TMEM232: variants seen among roughly 807,000 people sequenced by gnomAD.
TMEM232 encodes the protein transmembrane protein 232.
A neutral mutation model predicts 78.8 loss-of-function variants in TMEM232; 80 were observed. The ratio of observed to expected loss-of-function variants is 1.01; its 90% CI spans 0.85 to 1.22. TMEM232 has a LOEUF of 1.22. TMEM232 is among the 50% of genes most tolerant of loss of function. TMEM232 has a pLI of 0.00. For synonymous variants in TMEM232, 297 were observed against 254.3 expected, an observed-to-expected ratio of 1.17 and a Z score of -1.60; for missense variants, 881 against 742.2, an observed-to-expected ratio of 1.19 and a Z score of -2.17.
intron 2 of TMEM232, among the ~76,000 whole-genome samples, chr5:110,411,210 C>A (rs778148777): frequency 2.6e-5 from 4 of 152,092 alleles, no homozygotes; most frequent in Non-Finnish European, 5.9e-5. Flanking sequence ...TCCCATACCC[C>A]TCCTGGATGT....
intron 12 of TMEM232, among the ~76,000 whole-genome samples, chr5:110,456,395 A>AAAAC (rs1236887752): frequency 6.6e-6 from 1 of 152,086 alleles, no homozygotes; most frequent in African/African-American, 2.4e-5. Context: ...AAAAGAAATC[A>AAAAC]AAACAGATCT....
chr5:110,627,979 G>C (rs1267548170), intron 5 of TMEM232, 99 bp from the exon 6 acceptor site: 2 of 862,532 alleles, frequency 2.3e-6, no homozygotes, highest in East Asian at 2.8e-5. Context: ...ATTTTCTTTT[G>C]AGAAAACAAT....
At chr5:110,454,925 G>C (rs1376540737) in intron 12 of TMEM232, among the ~76,000 whole-genome samples, 1 of 139,076 alleles carries the variant, frequency 7.2e-6, no homozygotes, top group Non-Finnish European at 1.6e-5. Context: ...AAAAAAAAAA[G>C]ATAAACCTCT....
At chr5:110,718,351 G>A (rs1199171838) in intron 1 of TMEM232, among the ~76,000 whole-genome samples, 1 of 152,044 alleles carries the variant, frequency 6.6e-6, no homozygotes, top group Non-Finnish European at 1.5e-5. Context: ...TACATCTTAA[G>A]GCGAAAATAT....
At chr5:110,724,376 G>C (rs760748284) in intron 1 of TMEM232, among the ~76,000 whole-genome samples, 193 of 152,118 alleles carry the variant, frequency 1.3e-3, no homozygotes, top group Non-Finnish European at 2.1e-3. Flanking sequence ...ACTGAATTCT[G>C]GGCACCCAGC....
intron 10 of TMEM232, among the ~76,000 whole-genome samples, chr5:110,595,971 T>C (rs980478169): frequency 1.3e-5 from 2 of 152,074 alleles, no homozygotes; most frequent in African/African-American, 4.8e-5. Context: ...AGACACATAA[T>C]TGTCTGATTC....
intron 11 of TMEM232, among the ~76,000 whole-genome samples, chr5:110,558,216 G>T (rs115422618): frequency 0.015 from 2,231 of 152,204 alleles, 56 homozygotes; most frequent in African/African-American, 0.051. Context: ...CATTCTGATG[G>T]GGTATGCCAG....
intron 2 of TMEM232, among the ~76,000 whole-genome samples, chr5:110,651,482 G>A (rs112704073): frequency 0.013 from 1,976 of 151,282 alleles, 37 homozygotes; most frequent in African/African-American, 0.045. Flanking sequence ...GAAGGAGGGA[G>A]GGAGGGAAAG....
chr5:110,614,521 C>T (rs187886047), intron 8 of TMEM232, among the ~76,000 whole-genome samples: 1 of 152,034 alleles, frequency 6.6e-6, no homozygotes, highest in East Asian at 1.9e-4. Context: ...ATTAAATAGA[C>T]GTGGATGCAA....
At chr5:110,596,751 C>G (rs12655751) in intron 10 of TMEM232, among the ~76,000 whole-genome samples, 11,443 of 152,090 alleles carry the variant, frequency 0.075, 542 homozygotes, top group South Asian at 0.2. Context: ...TAAACAGAGC[C>G]AAAGACAAAA....
intron 10 of TMEM232, among the ~76,000 whole-genome samples, chr5:110,589,615 A>G (rs1249295335): frequency 2.0e-5 from 3 of 152,132 alleles, no homozygotes; most frequent in Non-Finnish European, 4.4e-5. Context: ...ACTTCTTTGG[A>G]CAAATAAACT....
intron 1 of TMEM232, among the ~76,000 whole-genome samples, chr5:110,706,809 G>C (rs528405207): frequency 2.4e-4 from 37 of 152,268 alleles, no homozygotes; most frequent in African/African-American, 8.9e-4. Context: ...CATAGGATAA[G>C]AGCCTTTTCA....
At chr5:110,731,262 T>C (rs533125556), upstream of TMEM232, among the ~76,000 whole-genome samples, 13 of 152,320 alleles carry the variant, frequency 8.5e-5, no homozygotes, top group Middle Eastern at 3.4e-3. Flanking sequence ...TGGGCTAGCA[T>C]TGAATGTCTG....
At chr5:110,687,687 T>C (rs1001171283) in intron 1 of TMEM232, among the ~76,000 whole-genome samples, 1 of 152,128 alleles carries the variant, frequency 6.6e-6, no homozygotes, top group Admixed American at 6.5e-5. Context: ...TTTCTCTTTC[T>C]CTTTGTCTCT....
chr5:110,722,221 T>A (rs1580794714), intron 1 of TMEM232, among the ~76,000 whole-genome samples: 2 of 152,182 alleles, frequency 1.3e-5, no homozygotes. Context: ...GGCTTGGCTG[T>A]TGTATTAATT....
At position 110,580,395 on chromosome 5, in the gene TMEM232, G is replaced by GCCC. The variant is rs747031631; in HGVS notation, c.1277-11771_1277-11770insGGG. On this transcript the variant is annotated intron_variant, in intron 10 of 13. Coordinates refer to ENST00000455884, the MANE Select transcript of TMEM232 (RefSeq NM_001039763.4). ...CATTAACATACTGTATATGTTTGTAGCCTAGGAGCAATAGGCTATACCAGG... is the reference window on the plus strand; with the variant it reads ...CATTAACATACTGTATATGTTTGTAGCCCCCTAGGAGCAATAGGCTATACCAGG... Among the ~76,000 whole-genome samples, 5 of 151,808 alleles carry GCCC rather than the reference G, an allele frequency of 3.3e-5. No homozygotes were observed. In the East Asian group the frequency reaches 7.8e-4, roughly 24 times the overall value.
At chr5:110,584,572 T>C (rs181130813) in intron 10 of TMEM232, among the ~76,000 whole-genome samples, 1 of 152,244 alleles carries the variant, frequency 6.6e-6, no homozygotes, top group African/African-American at 2.4e-5. Context: ...AGAGATCTGC[T>C]GTAAAACATT....
At chr5:110,592,795 A>G (rs1779684990) in intron 10 of TMEM232, among the ~76,000 whole-genome samples, 1 of 152,206 alleles carries the variant, frequency 6.6e-6, no homozygotes, top group Admixed American at 6.5e-5. Flanking sequence ...TCACTGTGCC[A>G]TTTTAAAGAT....
intron 4 of TMEM232, among the ~76,000 whole-genome samples, chr5:110,390,097 C>G (rs1755125964): frequency 6.6e-6 from 1 of 152,122 alleles, no homozygotes; most frequent in Non-Finnish European, 1.5e-5. Flanking sequence ...TATCTTCTCT[C>G]ACTACACCCA....
Sources: gnomAD v4.1 joint callset for allele counts (sites outside exome capture counted in the v4.1 genomes callset) on GRCh38, gnomAD v4.1.1 for gene constraint, MANE v1.5 for transcripts, NCBI Gene and HGNC (gene_info 2026-07-23, HGNC 2026-07-21) for gene names.